The following ANKS1A variants were observed in gnomAD, a reference collection of about 807,000 sequenced individuals.
ANKS1A encodes the protein ankyrin repeat and sterile alpha motif domain containing 1A.
In ANKS1A, 55 loss-of-function variants were observed where a neutral mutation model predicts 120.3. That is an observed-to-expected ratio of 0.46 (90% CI 0.37 to 0.57). The LOEUF (loss-of-function observed/expected upper bound fraction) is 0.57. Among genes scored for constraint, ANKS1A ranks in the 20% least tolerant of loss-of-function variants. ANKS1A has a pLI of 0.00. For missense variants in ANKS1A, 1,123 were observed against 1,480.3 expected (o/e 0.76, Z 3.96); for synonymous variants, 590 against 604.7 (o/e 0.98, Z 0.36).
intron 7 of ANKS1A, 88 bp downstream of exon 7, chr6:34,983,513 A>G: frequency 8.7e-7 from 1 of 1,153,848 alleles, no homozygotes; most frequent in Non-Finnish European, 1.2e-6. Context: ...TCTTAATTTA[A>G]ATAATAATTT....
chr6:35,089,704 C>T lies in ANKS1A; in HGVS notation c.*1095C>T. On this transcript the variant is annotated 3_prime_UTR_variant, in exon 24 of 24. Coordinates refer to ENST00000360359, the MANE Select transcript of ANKS1A (RefSeq NM_015245.3). ...TGGGGCAGGCTGGCATCCCGGTGCG[C>T]CTCTGCTTCTTAAGCTTTCCTGCTG... 1 of 993,506 alleles carries T rather than the reference C, an allele frequency of 1.0e-6. No homozygotes were observed. Among genetic ancestry groups the T allele is most frequent in the Non-Finnish European group, 1.2e-6 (1 of 835,004 alleles). 61.5% of individuals were successfully genotyped at this position (993,506 alleles called of 1,614,324 possible). A position where few individuals can be genotyped will look rare whatever the true frequency, so the allele number is the denominator to read the frequency against.
At position 35,089,087 on chromosome 6, in the gene ANKS1A, G is replaced by A. The variant is rs1778161016; in HGVS notation, c.*478G>A. ...TCGGAAGAGAAGGCGGTGGCCTGTG[G>A]GTGAGGGGAACGGAGCAGGCTCAGG... On this transcript the variant is annotated 3_prime_UTR_variant, in exon 24 of 24. Transcript: ENST00000360359. 1 of 1,046,824 alleles carries A rather than the reference G, an allele frequency of 9.6e-7. No homozygotes were observed. Among genetic ancestry groups the A allele is most frequent in the Non-Finnish European group, 1.2e-6 (1 of 865,736 alleles). 64.8% of individuals were successfully genotyped at this position (1,046,824 alleles called of 1,614,324 possible).
chr6:35,031,329 C>T (rs1383582796), intron 11 of ANKS1A, among the ~76,000 whole-genome samples: 1 of 152,182 alleles, frequency 6.6e-6, no homozygotes, highest in Non-Finnish European at 1.5e-5. Flanking sequence ...CTGCTCTGGG[C>T]CCATGAGACT....
chr6:34,940,418 A>G (rs1273782343), intron 1 of ANKS1A, among the ~76,000 whole-genome samples: 1 of 152,172 alleles, frequency 6.6e-6, no homozygotes. Context: ...ACTTGTGGGA[A>G]TCTGCTTGTG....
intron 11 of ANKS1A, among the ~76,000 whole-genome samples, chr6:35,038,011 G>A (rs1004885255): frequency 1.3e-5 from 2 of 152,114 alleles, no homozygotes; most frequent in Non-Finnish European, 2.9e-5. Context: ...GGGGCACATA[G>A]ATGGCTGGCG....
chr6:35,048,397 T>C (rs1775818756), intron 11 of ANKS1A, among the ~76,000 whole-genome samples: 1 of 152,198 alleles, frequency 6.6e-6, no homozygotes, highest in South Asian at 2.1e-4. Context: ...CCGCCATGTC[T>C]GGTCGCCTCG....
intron 1 of ANKS1A, among the ~76,000 whole-genome samples, chr6:34,939,668 G>A (rs565827341): frequency 2.0e-5 from 3 of 151,986 alleles, no homozygotes; most frequent in African/African-American, 7.2e-5. Flanking sequence ...AGCTATGATC[G>A]TGCCACTGCA....
intron 3 of ANKS1A, among the ~76,000 whole-genome samples, chr6:34,973,695 G>A (rs1036905161): frequency 6.6e-6 from 1 of 152,188 alleles, no homozygotes; most frequent in African/African-American, 2.4e-5. Flanking sequence ...TTTAGCAAAG[G>A]AAGCCCCCTA....
At chr6:35,095,843 G>A (rs78511908), downstream of ANKS1A, among the ~76,000 whole-genome samples, 74 of 152,214 alleles carry the variant, frequency 4.9e-4, no homozygotes, top group East Asian at 0.013. Flanking sequence ...TGGCCCCACC[G>A]TTGTTATTGA....
chr6:34,987,886 G>A (rs189042044), intron 8 of ANKS1A, among the ~76,000 whole-genome samples: 1 of 152,346 alleles, frequency 6.6e-6, no homozygotes, highest in East Asian at 1.9e-4. Context: ...GAATGAACCT[G>A]CAGGACAGCT....
chr6:35,023,582 T>G, intron 11 of ANKS1A: 1 of 468,910 alleles, frequency 2.1e-6, no homozygotes, highest in Middle Eastern at 3.5e-4. Context: ...TTGAAAGGAG[T>G]GCAGCTGAAA....
At chr6:35,049,120 A>G (rs115686613) in intron 11 of ANKS1A, among the ~76,000 whole-genome samples, 33 of 152,168 alleles carry the variant, frequency 2.2e-4, no homozygotes, top group African/African-American at 6.5e-4. Flanking sequence ...CAGAGAAGGG[A>G]TCAGCTGAAA....
At chr6:35,009,986 C>A in intron 10 of ANKS1A, 2 of 246,794 alleles carry the variant, frequency 8.1e-6, no homozygotes, top group South Asian at 8.2e-5. Context: ...CAGAACTTAG[C>A]CTGGGCAACA....
chr6:34,996,038 G>A (rs990359156), intron 10 of ANKS1A, among the ~76,000 whole-genome samples: 27 of 152,062 alleles, frequency 1.8e-4, no homozygotes, highest in Non-Finnish European at 3.4e-4. Flanking sequence ...ACCATTTTGC[G>A]TTTCCATCAG....
At chr6:34,950,260 T>C (rs1770011682) in intron 1 of ANKS1A, among the ~76,000 whole-genome samples, 1 of 138,626 alleles carries the variant, frequency 7.2e-6, no homozygotes, top group Non-Finnish European at 1.5e-5. Flanking sequence ...GGAGTCTTGC[T>C]CTGTCGCCCA....
intron 1 of ANKS1A, among the ~76,000 whole-genome samples, chr6:34,906,047 C>G (rs1767630620): frequency 6.6e-6 from 1 of 152,138 alleles, no homozygotes; most frequent in African/African-American, 2.4e-5. Flanking sequence ...GAGCAGTGCC[C>G]CTCGGGGATC....
In ANKS1A at chr6:35,089,134, T is replaced by G. The variant is rs1778163391; in HGVS notation, c.*525T>G. 5.9e-6 allele frequency: 6 copies of G among 1,011,604 alleles called. No individual in the cohort carries two copies. The highest frequency in any genetic ancestry group is 1.7e-5 in the African/African-American group (1 of 58,480). 62.7% of individuals were successfully genotyped at this position (1,011,604 alleles called of 1,614,324 possible). A position where few individuals can be genotyped will look rare whatever the true frequency, so the allele number is the denominator to read the frequency against. On this transcript the variant is annotated 3_prime_UTR_variant, in exon 24 of 24. Transcript: ENST00000360359. ...CAGGCAGAATTGAGTACGGTGCGTCTGCTTTTCAAACCCAACCATATCAGC... is the reference window on the plus strand; with the variant it reads ...CAGGCAGAATTGAGTACGGTGCGTCGGCTTTTCAAACCCAACCATATCAGC...
chr6:35,013,419 C>G (rs1344412089), intron 10 of ANKS1A, among the ~76,000 whole-genome samples: 1 of 152,154 alleles, frequency 6.6e-6, no homozygotes, highest in Non-Finnish European at 1.5e-5. Context: ...CTCAACCTCC[C>G]AAGTAGCTGG....
At chr6:34,980,490 G>T (rs182230588) in intron 3 of ANKS1A, among the ~76,000 whole-genome samples, 2 of 152,346 alleles carry the variant, frequency 1.3e-5, no homozygotes, top group Admixed American at 6.5e-5. Context: ...GCATATGCAT[G>T]TTTGGGTAAT....
Sources: allele counts gnomAD v4.1 joint callset (sites outside exome capture counted in the v4.1 genomes callset), GRCh38; gene constraint gnomAD v4.1.1; transcripts MANE v1.5; gene names NCBI Gene and HGNC (gene_info 2026-07-23, HGNC 2026-07-21).